ADARB2: variants seen among roughly 807,000 people sequenced by gnomAD.
ADARB2 encodes adenosine deaminase RNA specific B2 (inactive).
A neutral mutation model predicts 62.2 loss-of-function variants in ADARB2; 25 were observed. The ratio of observed to expected loss-of-function variants is 0.40; its 90% CI spans 0.29 to 0.56. The LOEUF (loss-of-function observed/expected upper bound fraction) is 0.56. Among genes scored for constraint, ADARB2 ranks in the 20% least tolerant of loss-of-function variants. ADARB2 has a pLI of 0.43. For synonymous variants in ADARB2, 572 were observed against 500.8 expected, an observed-to-expected ratio of 1.14 and a Z score of -1.90; for missense variants, 1,071 against 1,077.4, an observed-to-expected ratio of 0.99 and a Z score of 0.08.
chr10:1,287,831 C>T (rs941426245), intron 3 of ADARB2, among the ~76,000 whole-genome samples: 16 of 152,208 alleles, frequency 1.1e-4, no homozygotes, highest in South Asian at 2.1e-4. Flanking sequence ...GTTATGCCGT[C>T]GGCTGTGTGG....
At chr10:1,549,780 C>T (rs186336839) in intron 1 of ADARB2, among the ~76,000 whole-genome samples, 166 of 152,248 alleles carry the variant, frequency 1.1e-3, no homozygotes, top group African/African-American at 3.8e-3. Flanking sequence ...CAACCCGATC[C>T]CTGTTCAAGC....
chr10:1,324,905 T>C (rs1831829410), intron 3 of ADARB2, among the ~76,000 whole-genome samples: 1 of 152,188 alleles, frequency 6.6e-6, no homozygotes, highest in South Asian at 2.1e-4. Context: ...CAGGGGATTG[T>C]CAATGCCTGT....
At chr10:1,296,456 G>T (rs368443422) in intron 3 of ADARB2, among the ~76,000 whole-genome samples, 1 of 152,172 alleles carries the variant, frequency 6.6e-6, no homozygotes, top group African/African-American at 2.4e-5. Context: ...ATTCCATAAC[G>T]TATTCTATGC....
intron 1 of ADARB2, among the ~76,000 whole-genome samples, chr10:1,473,121 G>A (rs1831348514): frequency 6.6e-6 from 1 of 152,134 alleles, no homozygotes; most frequent in South Asian, 2.1e-4. Flanking sequence ...CAAGTCACAG[G>A]TCAAACCACG....
chr10:1,242,108 G>A (rs1199110125), intron 5 of ADARB2, 23 bp downstream of exon 5: 1 of 1,582,268 alleles, frequency 6.3e-7, no homozygotes, highest in Non-Finnish European at 8.6e-7. Flanking sequence ...CGCCTTCCCT[G>A]GAGCCCGTCC....
intron 1 of ADARB2, among the ~76,000 whole-genome samples, chr10:1,576,031 C>T (rs1223918873): frequency 2.2e-4 from 19 of 87,210 alleles, no homozygotes; most frequent in Non-Finnish European, 2.9e-4. Context: ...GGGCCCAGGG[C>T]CACTCGGCGG....
chr10:1,480,430 G>A (rs1318575647), intron 1 of ADARB2, among the ~76,000 whole-genome samples: 2 of 152,230 alleles, frequency 1.3e-5, no homozygotes, highest in African/African-American at 4.8e-5. Context: ...CGGGCGTGGT[G>A]GCTCACGCCT....
At position 1,626,315 on chromosome 10, in the gene ADARB2, C is replaced by T. The variant is rs562629944; in HGVS notation, c.100+110736G>A. On this transcript the variant is annotated intron_variant, in intron 1 of 9. Transcript: ENST00000381312. ...CACTGGACCTCGGACGCTAACCCCA[C>T]GTCTGCCCATGCTCTCTCCTGCATG... Among the ~76,000 whole-genome samples, 32 of 146,400 alleles carry T rather than the reference C, an allele frequency of 2.2e-4. No homozygotes were observed. The East Asian group carries it at 3.8e-3, about 17-fold the overall frequency.
At chr10:1,249,516 A>G (rs1831016430) in intron 4 of ADARB2, among the ~76,000 whole-genome samples, 1 of 152,100 alleles carries the variant, frequency 6.6e-6, no homozygotes, top group African/African-American at 2.4e-5. Flanking sequence ...AAGGCATCTG[A>G]CAAAATACAA....
chr10:1,242,329 T>A, intron 4 of ADARB2, 30 bp from the exon 5 acceptor site: 1 of 1,518,186 alleles, frequency 6.6e-7, no homozygotes, highest in Non-Finnish European at 8.9e-7. Flanking sequence ...CAGAGCAGCG[T>A]GGCCCACGGC....
intron 1 of ADARB2, among the ~76,000 whole-genome samples, chr10:1,541,812 T>C (rs2999395): frequency 2.5e-4 from 8 of 31,374 alleles, no homozygotes; most frequent in African/African-American, 1.3e-3. Context: ...CGCACTCAGA[T>C]GTAGTTCAGA....
intron 2 of ADARB2, among the ~76,000 whole-genome samples, chr10:1,370,254 C>G (rs1016858803): frequency 6.2e-5 from 7 of 113,404 alleles, no homozygotes; most frequent in African/African-American, 1.9e-4. Context: ...ATCCAACATC[C>G]CTTCATGATA....
In ADARB2 at chr10:1,730,067, T is replaced by G. The variant is rs144004558; in HGVS notation, c.100+6984A>C. Among the ~76,000 whole-genome samples, 427 of 152,348 alleles carry G rather than the reference T, an allele frequency of 2.8e-3. 2 individuals carry two copies. Among genetic ancestry groups the G allele is most frequent in the African/African-American group, 9.9e-3 (411 of 41,566 alleles). On this transcript the variant is annotated intron_variant, in intron 1 of 9. Coordinates refer to ENST00000381312, the MANE Select transcript of ADARB2 (RefSeq NM_018702.4). ...ATCACCTGAAGGTGTTGAGCTATCA[T>G]TTGGGCATAAGATTCACTCCATCTA...
At chr10:1,365,135 G>C (rs1333592712) in intron 2 of ADARB2, among the ~76,000 whole-genome samples, 1 of 152,080 alleles carries the variant, frequency 6.6e-6, no homozygotes, top group East Asian at 1.9e-4. Flanking sequence ...GTCTCCCAAA[G>C]TGCTGGGATT....
At chr10:1,446,870 C>G (rs1423628399) in intron 1 of ADARB2, among the ~76,000 whole-genome samples, 1 of 152,098 alleles carries the variant, frequency 6.6e-6, no homozygotes, top group Non-Finnish European at 1.5e-5. Flanking sequence ...CTGACTTAGG[C>G]CCCGGGAGGG....
intron 4 of ADARB2, among the ~76,000 whole-genome samples, chr10:1,246,026 C>G (rs1244081475): frequency 6.6e-6 from 1 of 151,398 alleles, no homozygotes; most frequent in Non-Finnish European, 1.5e-5. Flanking sequence ...TAATGATTGC[C>G]ATTCTAACTG....
At chr10:1,280,168 C>A (rs1355419591) in intron 3 of ADARB2, among the ~76,000 whole-genome samples, 1 of 152,188 alleles carries the variant, frequency 6.6e-6, no homozygotes, top group African/African-American at 2.4e-5. Flanking sequence ...CTCTCATGGC[C>A]TCACTTAACC....
At chr10:1,465,739 C>A (rs1219121863) in intron 1 of ADARB2, among the ~76,000 whole-genome samples, 1 of 152,234 alleles carries the variant, frequency 6.6e-6, no homozygotes, top group Non-Finnish European at 1.5e-5. Context: ...ACTGCATGTG[C>A]ACCCAGAGGG....
At chr10:1,671,686 C>T (rs1344438039) in intron 1 of ADARB2, among the ~76,000 whole-genome samples, 1 of 152,100 alleles carries the variant, frequency 6.6e-6, no homozygotes, top group Admixed American at 6.5e-5. Flanking sequence ...CCCAGAGCAT[C>T]GGTGCCACCT....
Sources: allele counts gnomAD v4.1 joint callset (sites outside exome capture counted in the v4.1 genomes callset), GRCh38; gene constraint gnomAD v4.1.1; transcripts MANE v1.5; gene names NCBI Gene and HGNC (gene_info 2026-07-23, HGNC 2026-07-21).